PHACTR3: variants seen among roughly 807,000 people sequenced by gnomAD.
The protein encoded by PHACTR3 is protein phosphatase 1, regulatory subunit 123.
PHACTR3 carries 16 observed loss-of-function variants against 66.8 expected under a neutral mutation model. The observed-to-expected ratio is 0.24, with a 90% CI of 0.16 to 0.36. PHACTR3 has a LOEUF of 0.36. Ranked by LOEUF, PHACTR3 falls within the 10% of genes least tolerant of loss-of-function variation. PHACTR3 has a pLI of 1.00. For synonymous variants in PHACTR3, 323 were observed against 292.1 expected (o/e 1.11, Z -1.08); for missense variants, 647 against 719.9 (o/e 0.90, Z 1.16).
chr20:59,738,042 G>C lies in PHACTR3; in HGVS notation c.119-5065G>C, dbSNP rs1242612843. On this transcript the variant is annotated intron_variant, in intron 1 of 12. Coordinates refer to ENST00000371015, the MANE Select transcript of PHACTR3 (RefSeq NM_080672.5). The surrounding 1 kb of genome is among the most constrained non-coding windows in gnomAD (Gnocchi z 4.4). ...TAAAATAGTGCAGGTAGTGACGGTGGTCCTGGCAGTGATGGTGGTAGGGAG... is the reference window on the plus strand; with the variant it reads ...TAAAATAGTGCAGGTAGTGACGGTGCTCCTGGCAGTGATGGTGGTAGGGAG... Among the ~76,000 whole-genome samples, 4 of 152,136 alleles carry C rather than the reference G, an allele frequency of 2.6e-5. No individual in the cohort carries two copies. The highest frequency in any genetic ancestry group is 4.4e-5 in the Non-Finnish European group (3 of 68,022).
chr20:59,735,493 A>G (rs987578284), intron 1 of PHACTR3, among the ~76,000 whole-genome samples: 1 of 152,126 alleles, frequency 6.6e-6, no homozygotes, highest in Non-Finnish European at 1.5e-5. Context: ...CTTTCCTTCC[A>G]ATATGTTTTT....
At chr20:59,722,712 C>T (rs1202815954) in intron 1 of PHACTR3, among the ~76,000 whole-genome samples, 1 of 152,088 alleles carries the variant, frequency 6.6e-6, no homozygotes, top group Non-Finnish European at 1.5e-5. Context: ...TCATGCATGC[C>T]ACACATGATG....
chr20:59,736,879 A>G lies in PHACTR3; in HGVS notation c.119-6228A>G, dbSNP rs1048745835. The stretch of plus-strand genomic sequence containing the variant: ...CAGAGGGGAGAGGGAATTTCCTCCC[A>G]AGGGGGATGCAGAGCAGCACAGCCT... On this transcript the variant is annotated intron_variant, in intron 1 of 12. Coordinates refer to ENST00000371015, the MANE Select transcript of PHACTR3 (RefSeq NM_080672.5). The surrounding 1 kb of genome is among the most constrained non-coding windows in gnomAD (Gnocchi z 4.6). 6.6e-6 allele frequency among the ~76,000 whole-genome samples: 1 copy of G among 152,084 alleles called. No individual in the cohort carries two copies. Among genetic ancestry groups the G allele is most frequent in the Non-Finnish European group, 1.5e-5 (1 of 67,994 alleles).
At chr20:59,821,960 A>G (rs1294963593) in intron 8 of PHACTR3, among the ~76,000 whole-genome samples, 2 of 124,952 alleles carry the variant, frequency 1.6e-5, no homozygotes, top group Non-Finnish European at 3.4e-5. Context: ...CCTCCCCAGC[A>G]ATCCTACCCT....
chr20:59,578,603 G>A (rs1356936185), intron 1 of PHACTR3, among the ~76,000 whole-genome samples: 3 of 152,240 alleles, frequency 2.0e-5, no homozygotes, highest in South Asian at 2.1e-4. Flanking sequence ...CTGGGGGAAC[G>A]CCACTGGCAC....
rs2041992216 is a variant in PHACTR3 at position 59,820,025 on chromosome 20, G to C, written c.1328+13831G>C. ...TCCGACTGACTTTCCCAGCCCTCCA[G>C]GGGGACCGTTGCTGGGGCTTCCGGT... On this transcript the variant is annotated intron_variant, in intron 8 of 12. Transcript: ENST00000371015. The surrounding 1 kb of genome is among the most constrained non-coding windows in gnomAD (Gnocchi z 4.6). Among the ~76,000 whole-genome samples, 1 of 152,206 alleles carries C rather than the reference G, an allele frequency of 6.6e-6. No individual in the cohort carries two copies. The highest frequency in any genetic ancestry group is 1.5e-5 in the Non-Finnish European group (1 of 68,032).
chr20:59,598,205 C>T (rs867669161), intron 1 of PHACTR3, among the ~76,000 whole-genome samples: 16 of 152,342 alleles, frequency 1.1e-4, no homozygotes, highest in African/African-American at 3.8e-4. Flanking sequence ...TCTGCTGCCT[C>T]ATAGATAGGC....
At chr20:59,590,099 T>C (rs562704725) in intron 1 of PHACTR3, among the ~76,000 whole-genome samples, 18 of 152,296 alleles carry the variant, frequency 1.2e-4, no homozygotes, top group African/African-American at 4.1e-4. Context: ...GTGTGTGCAC[T>C]CACGTGTGCA....
At chr20:59,605,964 A>G (rs900034510) in intron 1 of PHACTR3, among the ~76,000 whole-genome samples, 4 of 152,070 alleles carry the variant, frequency 2.6e-5, no homozygotes, top group African/African-American at 9.7e-5. Context: ...TCACAGGGAG[A>G]AGTCTGGGCT....
intron 1 of PHACTR3, among the ~76,000 whole-genome samples, chr20:59,669,112 G>A (rs2036103923): frequency 1.3e-5 from 2 of 152,062 alleles, no homozygotes; most frequent in Admixed American, 6.6e-5. Flanking sequence ...TTTGCATGCT[G>A]TGTGACTTCA....
intron 7 of PHACTR3, among the ~76,000 whole-genome samples, chr20:59,781,742 CTA>C (rs1398612045): frequency 1.6e-4 from 24 of 152,226 alleles, no homozygotes; most frequent in African/African-American, 5.8e-4. Flanking sequence ...GAGAGAGTGA[CTA>C]TGTACATATT....
intron 1 of PHACTR3, among the ~76,000 whole-genome samples, chr20:59,615,499 C>A (rs374125113): frequency 6.6e-6 from 1 of 152,208 alleles, no homozygotes. Flanking sequence ...AAGTGCCAGG[C>A]CTCTCAAACT....
chr20:59,675,266 T>C (rs1286984633), intron 1 of PHACTR3, among the ~76,000 whole-genome samples: 2 of 151,528 alleles, frequency 1.3e-5, no homozygotes, highest in Non-Finnish European at 2.9e-5. Context: ...TTTGGGTAGC[T>C]CTCTTAGCTC....
chr20:59,796,999 T>G (rs1200857752), intron 7 of PHACTR3, among the ~76,000 whole-genome samples: 1 of 152,210 alleles, frequency 6.6e-6, no homozygotes, highest in East Asian at 1.9e-4. Context: ...GTTTACTTAA[T>G]GGTGTCTCAT....
At chr20:59,747,056 C>G (rs571250930) in intron 2 of PHACTR3, among the ~76,000 whole-genome samples, 1 of 152,246 alleles carries the variant, frequency 6.6e-6, no homozygotes, top group African/African-American at 2.4e-5. Context: ...TGGAGCAGCC[C>G]GAGGCCTGCC....
In PHACTR3 at chr20:59,742,771, G is replaced by C. The variant is rs750564086; in HGVS notation, c.119-336G>C. ...AAGCGGCTGGGAGGGAGAGCAGCGT[G>C]GGTGGAGGGCAGAGCACGAGCAAGG... On this transcript the variant is annotated intron_variant, in intron 1 of 12. Coordinates refer to ENST00000371015, the MANE Select transcript of PHACTR3 (RefSeq NM_080672.5). Among the ~76,000 whole-genome samples the C allele has an allele frequency of 1.5e-3, 233 of 152,344 alleles. 1 individual carries two copies. Among genetic ancestry groups the C allele is most frequent in the Non-Finnish European group, 2.3e-3 (156 of 68,028 alleles).
chr20:59,655,571 A>G (rs1247247253), intron 1 of PHACTR3, among the ~76,000 whole-genome samples: 1 of 151,910 alleles, frequency 6.6e-6, no homozygotes, highest in African/African-American at 2.4e-5. Flanking sequence ...CTAAAGATTT[A>G]TAAGTTTATT....
At chr20:59,598,114 G>C (rs2033376945) in intron 1 of PHACTR3, among the ~76,000 whole-genome samples, 1 of 152,176 alleles carries the variant, frequency 6.6e-6, no homozygotes, top group Non-Finnish European at 1.5e-5. Flanking sequence ...GCAGGGGCCA[G>C]TGGGGCTGCT....
chr20:59,809,269 A>C (rs1210708967), intron 8 of PHACTR3, among the ~76,000 whole-genome samples: 1 of 152,042 alleles, frequency 6.6e-6, no homozygotes, highest in Admixed American at 6.5e-5. Context: ...CAGGTGTTAC[A>C]GAGTTGTGCT....
Sources: gnomAD v4.1 joint callset for allele counts (sites outside exome capture counted in the v4.1 genomes callset) on GRCh38, gnomAD v4.1.1 for gene constraint, Gnocchi (gnomAD v3.1) non-coding constraint, MANE v1.5 for transcripts, NCBI Gene and HGNC (gene_info 2026-07-23, HGNC 2026-07-21) for gene names.